The following CMYA5 variants were observed in gnomAD, a reference collection of about 807,000 sequenced individuals.
The protein encoded by CMYA5 is cardiomyopathy-associated protein 5.
CMYA5 carries 246 observed loss-of-function variants against 318.9 expected under a neutral mutation model. The observed-to-expected ratio is 0.77, with a 90% CI of 0.70 to 0.86. The LOEUF is 0.86. CMYA5 is among the 40% of genes least tolerant of loss of function. The pLI, the probability that CMYA5 is intolerant of heterozygous loss-of-function variation, is 0.00. For synonymous variants in CMYA5, 1,641 were observed against 1,729.5 expected (o/e 0.95, Z 1.27); for missense variants, 4,589 against 4,678.2 (o/e 0.98, Z 0.56).
At chr5:79,705,950 G>A (rs1298435432) in intron 1 of CMYA5, among the ~76,000 whole-genome samples, 1 of 152,162 alleles carries the variant, frequency 6.6e-6, no homozygotes, top group East Asian at 1.9e-4. Flanking sequence ...ACATGGACGA[G>A]TGTCAGTTTT....
intron 2 of CMYA5, among the ~76,000 whole-genome samples, chr5:79,743,576 CT>C (rs3833642): frequency 0.06 from 9,113 of 152,208 alleles, 433 homozygotes; most frequent in East Asian, 0.25. Flanking sequence ...AAAGTCCATT[CT>C]TTCACTTACG....
Position 79,734,013 on chromosome 5 carries a change from G to T in CMYA5, c.5248G>T (p.Gly1750Ter). The T allele has an allele frequency of 6.2e-7, 1 of 1,613,676 alleles. No homozygotes were observed. Among genetic ancestry groups the T allele is most frequent in the Non-Finnish European group, 8.5e-7 (1 of 1,179,810 alleles). ...TCAGCCATTTACTTTTTCTTTAAAA[G>T]GATTATCAGAGGAGGTTAGCCATCC... ...EFQPFTFSLK[G>*]LSEEVSHPAD... The change falls in exon 2 of 13, where the codon GGA (glycine) becomes TGA (stop). Residue 1750 changes from glycine to a stop codon, truncating the protein, a stop_gained. Transcript: ENST00000446378. LOFTEE classifies it high-confidence loss of function.
chr5:79,729,918 A>T lies in CMYA5; in HGVS notation c.1153A>T (p.Thr385Ser). Reference sequence around the variant, plus strand: ...GGAACCTCCATCTGTGACACCCGACACACCTGCAACTATGTTCCTGAGAAC... The same window carrying T: ...GGAACCTCCATCTGTGACACCCGACTCACCTGCAACTATGTTCCTGAGAAC... ...EVEPPSVTPD[T>S]PATMFLRTTK... The change falls in exon 2 of 13, where the codon ACA (threonine) becomes TCA (serine). Residue 385 changes from threonine (T) to serine (S), a missense_variant. Thr to Ser is a moderately conservative substitution (Grantham distance 58, BLOSUM62 1). This residue lies in a region of CMYA5 where 2,132 missense variants were observed against 2,131.3 expected (regional missense o/e 1.00). Transcript: ENST00000446378. 6.8e-6 allele frequency: 11 copies of T among 1,613,782 alleles called. No individual in the cohort carries two copies. Among genetic ancestry groups the T allele is most frequent in the Non-Finnish European group, 9.3e-6 (11 of 1,179,772 alleles).
chr5:79,720,857 G>C (rs1327331512), intron 1 of CMYA5, among the ~76,000 whole-genome samples: 1 of 152,178 alleles, frequency 6.6e-6, no homozygotes, highest in African/African-American at 2.4e-5. Flanking sequence ...AATACTAAAG[G>C]GAGGAGGAAA....
At position 79,729,985 on chromosome 5, in the gene CMYA5, C is replaced by T. The variant is rs1827848117; in HGVS notation, c.1220C>T (p.Ala407Val). 1 of 1,613,880 alleles carries T rather than the reference C, an allele frequency of 6.2e-7. No homozygotes were observed. Among genetic ancestry groups the T allele is most frequent in the Non-Finnish European group, 8.5e-7 (1 of 1,179,906 alleles). ...GAGCTTGCTTCACCAGGAACTGCAGCTTCAGAGAATGACTCTTCAGTCTCA... is the reference window on the plus strand; with the variant it reads ...GAGCTTGCTTCACCAGGAACTGCAGTTTCAGAGAATGACTCTTCAGTCTCA... ...ECELASPGTA[A>V]SENDSSVSPS... is the part of the protein sequence containing the mutation. Residue 407 changes from alanine to valine, a missense_variant, in exon 2 of 13, where the codon GCT becomes GTT. Transcript: ENST00000446378.
chr5:79,716,743 C>T (rs1035879), intron 1 of CMYA5, among the ~76,000 whole-genome samples: 67,670 of 151,948 alleles, frequency 0.45, 16,063 homozygotes, highest in African/African-American at 0.6. Context: ...TGTCTAGTGA[C>T]GCTGTTGTAC....
chr5:79,715,187 A>C (rs953356604), intron 1 of CMYA5, among the ~76,000 whole-genome samples: 10 of 152,198 alleles, frequency 6.6e-5, no homozygotes, highest in African/African-American at 2.4e-4. Context: ...TTGTTGACTA[A>C]ATCAAATAAT....
chr5:79,717,277 G>C (rs755888482), intron 1 of CMYA5, among the ~76,000 whole-genome samples: 10 of 152,148 alleles, frequency 6.6e-5, no homozygotes, highest in Non-Finnish European at 1.5e-4. Flanking sequence ...TGAAAACAAA[G>C]GTGAATGCTT....
chr5:79,722,244 T>C (rs1827653909), intron 1 of CMYA5, among the ~76,000 whole-genome samples: 1 of 152,236 alleles, frequency 6.6e-6, no homozygotes, highest in Non-Finnish European at 1.5e-5. Context: ...AAGGAAATTT[T>C]AAAACATTTT....
intron 12 of CMYA5, among the ~76,000 whole-genome samples, chr5:79,795,138 G>A (rs1829253773): frequency 6.6e-6 from 1 of 152,124 alleles, no homozygotes; most frequent in South Asian, 2.1e-4. Context: ...TACAGCTTTG[G>A]CCTTTGGCTC....
In CMYA5 at chr5:79,738,082, A is replaced by G. The variant is rs771838086; in HGVS notation, c.9317A>G (p.Tyr3106Cys). The G allele has an allele frequency of 1.2e-6, 2 of 1,613,588 alleles. No individual in the cohort carries two copies. The highest frequency in any genetic ancestry group is 2.2e-5 in the East Asian group (1 of 44,866). Residue 3106 changes from tyrosine (Y) to cysteine (C), a missense_variant, in exon 2 of 13, where the codon TAT (tyrosine) becomes TGT (cysteine). Tyr to Cys is a radical substitution (Grantham distance 194, BLOSUM62 -2). This residue lies in a region of CMYA5 where 2,431 missense variants were observed against 2,495.1 expected (regional missense o/e 0.97). Coordinates refer to ENST00000446378, the MANE Select transcript of CMYA5 (RefSeq NM_153610.5). Reference sequence around the variant, plus strand: ...GTGGAAAGTGCACTAGAACATGAATATGACTTGGTGAAATTAGATGAAAGT... The same window carrying G: ...GTGGAAAGTGCACTAGAACATGAATGTGACTTGGTGAAATTAGATGAAAGT... ...SSVESALEHE[Y>C]DLVKLDESFY...
Position 79,732,731 on chromosome 5 carries a change from A to C in CMYA5, c.3966A>C (p.Gly1322=). Residue 1322 remains glycine, a synonymous_variant, in exon 2 of 13, where the codon GGA becomes GGC. Transcript: ENST00000446378. The stretch of plus-strand genomic sequence containing the variant: ...TAGTGCTTCATTCAGCTTCCTCAGG[A>C]GTGGAAAAGCAAGTTGAACATGGTC... ...TPIVLHSASS[G]VEKQVEHGPP... The C allele has an allele frequency of 6.2e-7, 1 of 1,613,722 alleles. No homozygotes were observed. Among genetic ancestry groups the C allele is most frequent in the South Asian group, 1.1e-5 (1 of 91,038 alleles).
rs557419642 is a variant in CMYA5 at position 79,744,440 on chromosome 5, A to G, written c.10734+518A>G. Among the ~76,000 whole-genome samples the G allele has an allele frequency of 3.2e-4, 48 of 152,280 alleles. 1 individual carries two copies. The highest frequency in any genetic ancestry group is 1.0e-3 in the African/African-American group (43 of 41,558). On this transcript the variant is annotated intron_variant, in intron 3 of 12. Transcript: ENST00000446378. ...CTGGCTCTTATCCCTTCTGCAGGGA[A>G]GAGAGGGACTAGCAATGCTCCATCC...
chr5:79,763,190 C>G lies in CMYA5; in HGVS notation c.11536C>G (p.Pro3846Ala). 1 of 1,608,372 alleles carries G rather than the reference C, an allele frequency of 6.2e-7. No individual in the cohort carries two copies. The highest frequency in any genetic ancestry group is 8.5e-7 in the Non-Finnish European group (1 of 1,178,034). The change falls in exon 9 of 13, where the codon CCT becomes GCT. Residue 3846 changes from proline (P) to alanine (A), a missense_variant. This residue lies in a region of CMYA5 where 2,431 missense variants were observed against 2,495.1 expected (regional missense o/e 0.97). Coordinates refer to ENST00000446378, the MANE Select transcript of CMYA5 (RefSeq NM_153610.5). ...YTLEYCRQHS[P>A]EGEGLRSFSG... ...TCTGGAGTACTGCAGACAGCACTCT[C>G]CTGAGGGAGAGGGCCTCAGGTGAGG... is the stretch of plus-strand genomic sequence containing the variant.
chr5:79,772,205 T>C (rs1273649445), intron 9 of CMYA5, among the ~76,000 whole-genome samples: 1 of 152,186 alleles, frequency 6.6e-6, no homozygotes, highest in Non-Finnish European at 1.5e-5. Flanking sequence ...CTTATTCTAT[T>C]TGAGATCTTG....
chr5:79,746,258 A>G (rs1256765872), intron 4 of CMYA5, among the ~76,000 whole-genome samples: 2 of 152,176 alleles, frequency 1.3e-5, no homozygotes, highest in Non-Finnish European at 2.9e-5. Flanking sequence ...CCTACCCTTT[A>G]GAAAACTTTG....
chr5:79,778,801 CT>C (rs1403042436), intron 9 of CMYA5, among the ~76,000 whole-genome samples: 1 of 90,020 alleles, frequency 1.1e-5, no homozygotes, highest in African/African-American at 6.1e-5. Flanking sequence ...GCCTGCCCCC[CT>C]CTCTCTTTCT....
chr5:79,791,620 T>G (rs1829181410), intron 11 of CMYA5, among the ~76,000 whole-genome samples: 1 of 149,328 alleles, frequency 6.7e-6, no homozygotes, highest in Non-Finnish European at 1.5e-5. Flanking sequence ...ACTCGGAGGC[T>G]GAGGCAGGAG....
At chr5:79,764,310 G>A (rs541323401) in intron 9 of CMYA5, among the ~76,000 whole-genome samples, 1 of 152,188 alleles carries the variant, frequency 6.6e-6, no homozygotes, top group South Asian at 2.1e-4. Context: ...CTTCATCCAT[G>A]TCCCTGCAAA....
Sources: gnomAD v4.1 joint callset for allele counts (sites outside exome capture counted in the v4.1 genomes callset) on GRCh38, gnomAD v4.1.1 for gene constraint, gnomAD v4.1.1 regional missense constraint, MANE v1.5 for transcripts, NCBI Gene and HGNC (gene_info 2026-07-23, HGNC 2026-07-21) for gene names.